Variants in RPH3A observed in about 807,000 individuals in gnomAD.
The protein encoded by RPH3A is rabphilin-3A.
In RPH3A, 48 loss-of-function variants were observed where a neutral mutation model predicts 102.2. The observed-to-expected ratio is 0.47, with a 90% CI of 0.37 to 0.60. The LOEUF is 0.60. Ranked by LOEUF, RPH3A falls within the 20% of genes least tolerant of loss-of-function variation. The pLI is 0.00. For synonymous variants in RPH3A, 310 were observed against 324.3 expected (o/e 0.96, Z 0.47); for missense variants, 781 against 910.1 (o/e 0.86, Z 1.83).
intron 13 of RPH3A, among the ~76,000 whole-genome samples, chr12:112,878,549 T>C (rs570766202): frequency 1.3e-5 from 2 of 152,290 alleles, no homozygotes; most frequent in South Asian, 4.2e-4. Context: ...GCAGTTAACA[T>C]ACCAACGAAT....
At chr12:112,651,059 A>G (rs1364238788) in intron 1 of RPH3A, among the ~76,000 whole-genome samples, 1 of 151,466 alleles carries the variant, frequency 6.6e-6, no homozygotes, top group Non-Finnish European at 1.5e-5. Context: ...AACTGTGTTC[A>G]TATTATTAAT....
chr12:112,789,071 C>T (rs756327292), upstream of RPH3A, among the ~76,000 whole-genome samples: 5 of 152,236 alleles, frequency 3.3e-5, no homozygotes, highest in South Asian at 2.1e-4. Flanking sequence ...GGCATGAGAA[C>T]GTCTTGAATC....
intron 1 of RPH3A, among the ~76,000 whole-genome samples, chr12:112,674,433 A>G (rs61942316): frequency 3.3e-5 from 5 of 152,202 alleles, no homozygotes; most frequent in Non-Finnish European, 7.3e-5. Context: ...GACCTCTTGT[A>G]CAATTAGTGG....
chr12:112,752,701 AACATAT>A (rs1475629360), intron 1 of RPH3A, among the ~76,000 whole-genome samples: 3 of 151,822 alleles, frequency 2.0e-5, no homozygotes, highest in Non-Finnish European at 2.9e-5. Context: ...TTTTTCTATT[AACATAT>A]AATTCATATA....
At chr12:112,767,092 C>T (rs2040894855) in intron 1 of RPH3A, among the ~76,000 whole-genome samples, 1 of 152,178 alleles carries the variant, frequency 6.6e-6, no homozygotes, top group African/African-American at 2.4e-5. Context: ...TGCCAGGCTC[C>T]TCACTCATGC....
At chr12:112,712,954 C>CTTCTTCTTCTTCT (rs1565856945) in intron 1 of RPH3A, among the ~76,000 whole-genome samples, 2 of 105,670 alleles carry the variant, frequency 1.9e-5, no homozygotes, top group African/African-American at 6.5e-5. Flanking sequence ...TCTTCTTCTT[C>CTTCTTCTTCTTCT]TTCTTCTTCT....
At chr12:112,841,264 G>A (rs1302055727) in intron 4 of RPH3A, among the ~76,000 whole-genome samples, 1 of 148,256 alleles carries the variant, frequency 6.7e-6, no homozygotes, top group Non-Finnish European at 1.5e-5. Context: ...TGAGATTCAT[G>A]CTTCCTCTAA....
intron 1 of RPH3A, among the ~76,000 whole-genome samples, chr12:112,744,292 T>A (rs1267101490): frequency 6.6e-6 from 1 of 152,122 alleles, no homozygotes; most frequent in African/African-American, 2.4e-5. Context: ...GCCTGGCTGG[T>A]CTCAAACTCC....
rs572333119 is a variant in RPH3A at position 112,759,032 on chromosome 12, G to T, written c.-139-33111G>T. ...ACACAACTTGTGGTCACTGGAAATAGACCTGGACTTTTTGTGCCCCAGTTT... is the reference window on the plus strand; with the variant it reads ...ACACAACTTGTGGTCACTGGAAATATACCTGGACTTTTTGTGCCCCAGTTT... On this transcript the variant is annotated intron_variant, in intron 1 of 21. Coordinates refer to the RPH3A transcript ENST00000543106. 1.1e-4 allele frequency among the ~76,000 whole-genome samples: 16 copies of T among 152,330 alleles called. No homozygotes were observed. The South Asian group carries it at 3.3e-3, about 32-fold the overall frequency.
chr12:112,695,780 G>A (rs1014760682), intron 1 of RPH3A, among the ~76,000 whole-genome samples: 14 of 152,228 alleles, frequency 9.2e-5, no homozygotes, highest in Admixed American at 4.6e-4. Flanking sequence ...TACTTCTCAC[G>A]TGTTACATCT....
intron 1 of RPH3A, among the ~76,000 whole-genome samples, chr12:112,597,267 G>A (rs2039524157): frequency 6.6e-6 from 1 of 152,184 alleles, no homozygotes; most frequent in Admixed American, 6.5e-5. Flanking sequence ...ATGTTTCAAT[G>A]TATTATTTGT....
intron 1 of RPH3A, among the ~76,000 whole-genome samples, chr12:112,614,237 A>C (rs925881911): frequency 1.3e-5 from 2 of 152,206 alleles, no homozygotes; most frequent in African/African-American, 4.8e-5. Flanking sequence ...GCAATTTGTC[A>C]CAGCAGCAAT....
In RPH3A at chr12:112,706,387, C is replaced by T. The variant is rs192355738; in HGVS notation, c.-139-85756C>T. On this transcript the variant is annotated intron_variant, in intron 1 of 21. Coordinates refer to the RPH3A transcript ENST00000543106. ...CCTCAGTGCAATGAAGCCCCAGTCG[C>T]CCACACAGAACAGGTTCAAGGATGC... Among the ~76,000 whole-genome samples the T allele has an allele frequency of 1.7e-3, 255 of 152,256 alleles. 5 individuals are homozygous for T. The highest frequency in any genetic ancestry group is 8.8e-5 in the Non-Finnish European group (6 of 68,026).
At chr12:112,822,205 T>C (rs577049138) in intron 2 of RPH3A, among the ~76,000 whole-genome samples, 1 of 152,308 alleles carries the variant, frequency 6.6e-6, no homozygotes, top group Non-Finnish European at 1.5e-5. Flanking sequence ...GTCTGGGCAT[T>C]GTCCAAACTT....
intron 1 of RPH3A, among the ~76,000 whole-genome samples, chr12:112,589,253 A>G (rs1288463330): frequency 6.6e-6 from 1 of 152,024 alleles, no homozygotes; most frequent in Non-Finnish European, 1.5e-5. Flanking sequence ...CTGCCTCTTA[A>G]CTTTGTTCTC....
intron 1 of RPH3A, among the ~76,000 whole-genome samples, chr12:112,712,967 C>T (rs370136811): frequency 4.3e-5 from 4 of 92,826 alleles, no homozygotes; most frequent in Admixed American, 1.4e-4. Flanking sequence ...CTTCTTCTTT[C>T]TTCTTCTTTC....
intron 1 of RPH3A, among the ~76,000 whole-genome samples, chr12:112,725,766 TTTGTTGTTGTTGTTGTTGTTG>T (rs374402903): frequency 2.7e-5 from 4 of 148,488 alleles, no homozygotes; most frequent in Non-Finnish European, 4.4e-5. Context: ...GAGTGTAGTT[TTTGTTGTTGTTGTTGTTGTTG>T]TTGTTGTTGT....
rs150950833 is a variant in RPH3A, at chr12:112,638,020, C to T, written c.-140+62701C>T. Among the ~76,000 whole-genome samples the T allele has an allele frequency of 1.4e-3, 207 of 151,988 alleles. 2 individuals are homozygous for T. Among genetic ancestry groups the T allele is most frequent in the African/African-American group, 4.9e-3 (203 of 41,436 alleles). ...CTGATCCCCAACATTGGAGGCGGGG[C>T]CTAATAGGAAGTGTTTGGGTCACGG... On this transcript the variant is annotated intron_variant, in intron 1 of 21. Transcript: ENST00000543106.
chr12:112,777,876 G>A (rs1592993990), intron 1 of RPH3A, among the ~76,000 whole-genome samples: 1 of 152,168 alleles, frequency 6.6e-6, no homozygotes, highest in East Asian at 1.9e-4. Context: ...CTGGGCCTTG[G>A]CTTTGTTGGA....
Sources: allele counts gnomAD v4.1 joint callset (sites outside exome capture counted in the v4.1 genomes callset), GRCh38; gene constraint gnomAD v4.1.1; transcripts MANE v1.5; gene names NCBI Gene and HGNC (gene_info 2026-07-23, HGNC 2026-07-21).